Variants in FGGY observed in about 807,000 individuals in gnomAD.
FGGY encodes FGGY carbohydrate kinase domain containing.
In FGGY, 72 loss-of-function variants were observed where a neutral mutation model predicts 71.3. The observed-to-expected ratio is 1.01, with a 90% CI of 0.84 to 1.23. FGGY has a LOEUF of 1.23. Ranked by LOEUF, FGGY falls within the 50% of genes most tolerant of loss-of-function variation. The pLI, the probability that FGGY is intolerant of heterozygous loss-of-function variation, is 0.00. For synonymous variants in FGGY, 251 were observed against 250.3 expected (o/e 1.00, Z -0.02); for missense variants, 668 against 682.3 (o/e 0.98, Z 0.23).
intron 6 of FGGY, among the ~76,000 whole-genome samples, chr1:59,493,882 G>A (rs927088609): frequency 1.3e-5 from 2 of 151,978 alleles, no homozygotes; most frequent in African/African-American, 4.8e-5. Flanking sequence ...CTCTTCTTGG[G>A]GGAGATAGAG....
intron 5 of FGGY, among the ~76,000 whole-genome samples, chr1:59,424,457 G>T (rs1292857824): frequency 1.3e-5 from 2 of 152,184 alleles, no homozygotes; most frequent in African/African-American, 4.8e-5. Context: ...TGAGGCAGGA[G>T]AATCGCTTGA....
At chr1:59,513,720 G>A (rs141567494) in intron 7 of FGGY, among the ~76,000 whole-genome samples, 1 of 152,124 alleles carries the variant, frequency 6.6e-6, no homozygotes, top group African/African-American at 2.4e-5. Context: ...CCTATGTCTG[G>A]TTCCTATAGC....
At chr1:59,553,827 A>G (rs775013504) in intron 7 of FGGY, 2 of 253,560 alleles carry the variant, frequency 7.9e-6, no homozygotes, top group Non-Finnish European at 1.5e-5. Context: ...GTATTTAGTG[A>G]GCAGAAAATA....
chr1:59,375,097 C>CAA (rs11290884), intron 4 of FGGY, among the ~76,000 whole-genome samples: 6 of 138,050 alleles, frequency 4.3e-5, no homozygotes, highest in South Asian at 2.3e-4. Context: ...TAGTTTTCAT[C>CAA]AAAAAAAAAA....
chr1:59,407,134 C>T (rs773934218), intron 5 of FGGY, among the ~76,000 whole-genome samples: 4 of 152,216 alleles, frequency 2.6e-5, no homozygotes, highest in Non-Finnish European at 1.5e-5. Context: ...GCTATCCCAC[C>T]TGCAGGTTGG....
At chr1:59,684,673 T>C (rs2097530946) in intron 14 of FGGY, among the ~76,000 whole-genome samples, 2 of 152,184 alleles carry the variant, frequency 1.3e-5, no homozygotes, top group Non-Finnish European at 2.9e-5. Flanking sequence ...GTAAGTGAGC[T>C]GAGTCCATCA....
In FGGY at chr1:59,321,533, T is replaced by C. The variant is rs17480358; in HGVS notation, c.-14-3T>C. The C allele has an allele frequency of 0.045, 72,689 of 1,612,846 alleles. 1,965 individuals carry two copies. Among genetic ancestry groups the C allele is most frequent in the Non-Finnish European group, 0.052 (61,134 of 1,179,234 alleles). On this transcript the variant is annotated splice_polypyrimidine_tract_variant and splice_region_variant and intron_variant, in intron 1 of 15. Coordinates refer to ENST00000303721, the MANE Select transcript of FGGY (RefSeq NM_018291.5). Reference sequence around the variant, plus strand: ...ATATGGTTTTTACACTTGCTTACTATAGGTGGAGGAACTGCAATGTCTGGT... The same window carrying C: ...ATATGGTTTTTACACTTGCTTACTACAGGTGGAGGAACTGCAATGTCTGGT...
intron 14 of FGGY, among the ~76,000 whole-genome samples, chr1:59,739,977 C>T (rs1335896009): frequency 1.3e-5 from 2 of 152,146 alleles, no homozygotes; most frequent in Non-Finnish European, 2.9e-5. Context: ...GCTGGGTTGA[C>T]GCAGGTTAGC....
intron 4 of FGGY, among the ~76,000 whole-genome samples, chr1:59,370,093 G>C (rs148554430): frequency 8.6e-4 from 131 of 152,236 alleles, no homozygotes; most frequent in African/African-American, 2.7e-3. Context: ...AGAGAAGAAG[G>C]CTTCAGAAGA....
intron 9 of FGGY, among the ~76,000 whole-genome samples, chr1:59,614,485 T>G (rs1029139651): frequency 6.6e-5 from 10 of 152,198 alleles, no homozygotes; most frequent in African/African-American, 1.9e-4. Context: ...ATTAGGTATT[T>G]ATGGGACATG....
intron 6 of FGGY, among the ~76,000 whole-genome samples, chr1:59,465,097 G>C (rs921111989): frequency 6.6e-6 from 1 of 152,134 alleles, no homozygotes; most frequent in African/African-American, 2.4e-5. Flanking sequence ...GATGAACATC[G>C]ATGCAGAAAT....
Position 59,607,903 on chromosome 1 carries a change from G to A in FGGY, c.1004G>A (p.Gly335Glu), listed in dbSNP as rs773164035. ...WLNEGGQSVT[G>E]KLIDHMVQGH... Reference sequence around the variant, plus strand: ...AATGAAGGTGGTCAGAGCGTTACTGGAAAATTGGTAAGTTGACACTTTCTC... The same window carrying A: ...AATGAAGGTGGTCAGAGCGTTACTGAAAAATTGGTAAGTTGACACTTTCTC... The change falls in exon 9 of 16, where the codon GGA becomes GAA. Residue 335 changes from glycine to glutamate, a missense_variant. Physicochemically the swap from Gly to Glu is moderately conservative, Grantham distance 98. Transcript: ENST00000303721. 10 of 1,613,478 alleles carry A rather than the reference G, an allele frequency of 6.2e-6. No homozygotes were observed. Among genetic ancestry groups the A allele is most frequent in the Non-Finnish European group, 7.6e-6 (9 of 1,179,496 alleles).
chr1:59,447,488 C>T (rs897461033), intron 5 of FGGY, among the ~76,000 whole-genome samples: 2 of 152,118 alleles, frequency 1.3e-5, no homozygotes, highest in East Asian at 1.9e-4. Flanking sequence ...GACCTTTTAT[C>T]GCACCCTATC....
At chr1:59,548,983 T>A (rs929647639) in intron 7 of FGGY, among the ~76,000 whole-genome samples, 3 of 152,220 alleles carry the variant, frequency 2.0e-5, no homozygotes, top group African/African-American at 7.2e-5. Flanking sequence ...TGAGTCCTTA[T>A]TTTTAAGCAC....
At chr1:59,362,938 C>G (rs576415579) in intron 4 of FGGY, among the ~76,000 whole-genome samples, 1 of 151,996 alleles carries the variant, frequency 6.6e-6, no homozygotes, top group Non-Finnish European at 1.5e-5. Flanking sequence ...CATTTTTTTG[C>G]AAAGTCAAGA....
intron 14 of FGGY, among the ~76,000 whole-genome samples, chr1:59,690,752 T>C (rs1227502098): frequency 6.6e-6 from 1 of 152,230 alleles, no homozygotes; most frequent in Non-Finnish European, 1.5e-5. Flanking sequence ...CTGTGACTAG[T>C]TACACAGAAA....
intron 6 of FGGY, among the ~76,000 whole-genome samples, chr1:59,457,651 A>G (rs1026729829): frequency 1.3e-5 from 2 of 152,096 alleles, no homozygotes; most frequent in Admixed American, 6.5e-5. Flanking sequence ...ACTGAGGAAG[A>G]TATTTGCAAG....
At chr1:59,342,553 C>T (rs1457556144) in intron 3 of FGGY, among the ~76,000 whole-genome samples, 2 of 152,184 alleles carry the variant, frequency 1.3e-5, no homozygotes, top group East Asian at 1.9e-4. Flanking sequence ...CAGGTGCCCT[C>T]ATCAGTTTCT....
At chr1:59,490,906 G>A (rs2093810255) in intron 6 of FGGY, among the ~76,000 whole-genome samples, 1 of 151,744 alleles carries the variant, frequency 6.6e-6, no homozygotes, top group African/African-American at 2.4e-5. Context: ...TGCCAATACT[G>A]TGCTGTTACT....
Sources: gnomAD v4.1 joint callset for allele counts (sites outside exome capture counted in the v4.1 genomes callset) on GRCh38, gnomAD v4.1.1 for gene constraint, MANE v1.5 for transcripts, NCBI Gene and HGNC (gene_info 2026-07-23, HGNC 2026-07-21) for gene names.